The following ASIC1 variants were observed in gnomAD, a reference collection of about 807,000 sequenced individuals.
ASIC1 encodes acid-sensing ion channel 1.
A neutral mutation model predicts 63.4 loss-of-function variants in ASIC1; 21 were observed. The observed-to-expected ratio is 0.33, with a 90% CI of 0.23 to 0.48. The LOEUF is 0.48. Among genes scored for constraint, ASIC1 ranks in the 20% least tolerant of loss-of-function variants. The pLI, the probability that ASIC1 is intolerant of heterozygous loss-of-function variation, is 0.99. For synonymous variants in ASIC1, 258 were observed against 278.2 expected, an observed-to-expected ratio of 0.93 and a Z score of 0.72; for missense variants, 478 against 695.5, an observed-to-expected ratio of 0.69 and a Z score of 3.52.
Position 50,074,032 on chromosome 12 carries a change from A to G in ASIC1, c.559-3181A>G, listed in dbSNP as rs1486063031. The G allele has an allele frequency of 2.8e-5, 43 of 1,534,450 alleles. No individual in the cohort carries two copies. Among genetic ancestry groups the G allele is most frequent in the Non-Finnish European group, 3.8e-5 (43 of 1,145,708 alleles). On this transcript the variant is annotated intron_variant, in intron 3 of 11. Coordinates refer to ENST00000447966, the MANE Select transcript of ASIC1 (RefSeq NM_001095.4). This position sits in a 1 kb window ranked among gnomAD's most constrained non-coding sequence, Gnocchi z 4.2. ...TAATGCTGTGCGGCTGTCCCAGCTC[A>G]GCTACCCTGACTTGCTTTATTTGGC...
intron 8 of ASIC1, chr12:50,080,257 T>C (rs376184): frequency 0.67 from 524,284 of 782,568 alleles, 177,762 homozygotes; most frequent in East Asian, 0.87. Flanking sequence ...TTTCTCCTCC[T>C]TCTTCATCCT....
rs1232259027 is a variant in ASIC1, at chr12:50,066,752, C to G, written c.558+6798C>G. 3.3e-5 allele frequency among the ~76,000 whole-genome samples: 5 copies of G among 152,320 alleles called. No individual in the cohort carries two copies. The South Asian group carries it at 1.0e-3, about 32-fold the overall frequency. ...TCTCCACTCTTCTCAGTCACCCTTCCTAGCTCCTCTCTCACCCTCAGCGGA... is the reference window on the plus strand; with the variant it reads ...TCTCCACTCTTCTCAGTCACCCTTCGTAGCTCCTCTCTCACCCTCAGCGGA... On this transcript the variant is annotated intron_variant, in intron 3 of 11. Coordinates refer to ENST00000447966, the MANE Select transcript of ASIC1 (RefSeq NM_001095.4).
Position 50,077,296 on chromosome 12 carries a change from G to A in ASIC1, c.642G>A (p.Thr214=), listed in dbSNP as rs202004622. Residue 214 remains threonine, a synonymous_variant, in exon 4 of 12, where the codon ACG becomes ACA. Transcript: ENST00000447966. ...RPRLKTMKGG[T]GNGLEIMLDI... ...GGCTGAAGACCATGAAGGGTGGGAC[G>A]GGCAATGGGCTGGAAATCATGCTGG... 2.0e-5 allele frequency: 33 copies of A among 1,614,178 alleles called. No individual in the cohort carries two copies. The highest frequency in any genetic ancestry group is 1.7e-4 in the African/African-American group (13 of 75,050).
rs754999533 is a variant in ASIC1 at position 50,059,143 on chromosome 12, C to T, written c.362+15C>T. Reference sequence around the variant, plus strand: ...CTCAACAACAGGTGGGTGGCTCCCACCCTCCCTCAGCCCTGCTCCTGGAGT... The same window carrying T: ...CTCAACAACAGGTGGGTGGCTCCCATCCTCCCTCAGCCCTGCTCCTGGAGT... On this transcript the variant is annotated intron_variant, in intron 2 of 11. Coordinates refer to ENST00000447966, the MANE Select transcript of ASIC1 (RefSeq NM_001095.4). This position sits in a 1 kb window ranked among gnomAD's most constrained non-coding sequence, Gnocchi z 4.6. 1.1e-5 allele frequency: 17 copies of T among 1,610,276 alleles called. No homozygotes were observed. The highest frequency in any genetic ancestry group is 7.7e-5 in the South Asian group (7 of 90,990).
rs540023446 is a variant in ASIC1, at chr12:50,073,677, G to T, written c.559-3536G>T. 2.0e-5 allele frequency: 30 copies of T among 1,536,426 alleles called. No individual in the cohort carries two copies. In the African/African-American group the frequency reaches 2.2e-4, roughly 11 times the overall value. On this transcript the variant is annotated intron_variant, in intron 3 of 11. Transcript: ENST00000447966. ...ATATTTGGGGTCCCCACCACCATCA[G>T]CAGCAGCAGGACATCTCAGAATCGG...
In ASIC1 at chr12:50,078,127, G is replaced by T; in HGVS notation, c.837G>T (p.Arg279=). 6.2e-7 allele frequency: 1 copy of T among 1,612,320 alleles called. No homozygotes were observed. Among genetic ancestry groups the T allele is most frequent in the Non-Finnish European group, 8.5e-7 (1 of 1,179,110 alleles). The change falls in exon 5 of 12, where the codon CGG becomes CGT. Residue 279 remains arginine (R), a splice_region_variant and synonymous_variant. Transcript: ENST00000447966. The surrounding 1 kb of genome is among the most constrained non-coding windows in gnomAD (Gnocchi z 6.0). ...CCTTTGTGGCCTGCCAGGAGCAGCG[G>T]GTGAGAGGGCCATGGGAGGCTGGTC... ...FQTFVACQEQ[R]LIYLPPPWGT...
chr12:50,072,540 C>T (rs1950610234), intron 3 of ASIC1, among the ~76,000 whole-genome samples: 1 of 152,110 alleles, frequency 6.6e-6, no homozygotes, highest in South Asian at 2.1e-4. Context: ...AGTTGGTTCC[C>T]AATACTCTCT....
chr12:50,065,950 G>A (rs935168775), intron 3 of ASIC1, among the ~76,000 whole-genome samples: 6 of 152,184 alleles, frequency 3.9e-5, no homozygotes, highest in Admixed American at 2.0e-4. Context: ...TCACATATGC[G>A]CCCCGAGCAT....
At chr12:50,080,154 T>G in intron 8 of ASIC1, 99 bp downstream of exon 8, 1 of 1,473,322 alleles carries the variant, frequency 6.8e-7, no homozygotes, top group Non-Finnish European at 9.1e-7. Context: ...CAGGGGGAAC[T>G]TGAGATAACA....
intron 3 of ASIC1, among the ~76,000 whole-genome samples, chr12:50,066,446 C>T (rs2137819068): frequency 6.6e-6 from 1 of 152,016 alleles, no homozygotes; most frequent in East Asian, 1.9e-4. Context: ...GAGAAGAGAC[C>T]CTAGGAATCC....
rs191367072 is a variant in ASIC1, at chr12:50,060,002, G to A, written c.558+48G>A. 5.6e-6 allele frequency: 9 copies of A among 1,598,922 alleles called. No individual in the cohort carries two copies. In the Admixed American group the frequency reaches 1.3e-4, roughly 24 times the overall value. ...TGAGTCAGCCTGGCCCACAGAGGAG[G>A]AGGAGGAGACAAGGAGCAGGCTGGG... On this transcript the variant is annotated intron_variant, in intron 3 of 11. Coordinates refer to ENST00000447966, the MANE Select transcript of ASIC1 (RefSeq NM_001095.4).
In ASIC1 at chr12:50,078,454, A is replaced by C; in HGVS notation, c.871A>C (p.Lys291Gln). The C allele has an allele frequency of 1.2e-6, 2 of 1,613,978 alleles. No homozygotes were observed. Among genetic ancestry groups the C allele is most frequent in the Non-Finnish European group, 1.7e-6 (2 of 1,179,956 alleles). ...IYLPPPWGTCKAVTMDSDLDF... is the reference protein window; with the variant it reads ...IYLPPPWGTCQAVTMDSDLDF... Reference sequence around the variant, plus strand: ...CCTGCCCCCACCCTGGGGCACCTGCAAAGCTGTTACCATGGACTCGGATTT... The same window carrying C: ...CCTGCCCCCACCCTGGGGCACCTGCCAAGCTGTTACCATGGACTCGGATTT... The change falls in exon 6 of 12, where the codon AAA (lysine) becomes CAA (glutamine). Residue 291 changes from lysine to glutamine, a missense_variant. Coordinates refer to ENST00000447966, the MANE Select transcript of ASIC1 (RefSeq NM_001095.4). This position sits in a 1 kb window ranked among gnomAD's most constrained non-coding sequence, Gnocchi z 6.0.
intron 3 of ASIC1, among the ~76,000 whole-genome samples, chr12:50,067,265 TC>T (rs946776655): frequency 6.6e-6 from 1 of 152,084 alleles, no homozygotes; most frequent in Admixed American, 6.5e-5. Flanking sequence ...GCTGCCTTCT[TC>T]CCCCATCATC....
chr12:50,068,919 T>TCTATATC (rs1950571509), intron 3 of ASIC1, among the ~76,000 whole-genome samples: 1 of 152,026 alleles, frequency 6.6e-6, no homozygotes, highest in Admixed American at 6.6e-5. Flanking sequence ...CAGCAGCCCT[T>TCTATATC]CTATATCCTT....
Position 50,059,888 on chromosome 12 carries a change from C to G in ASIC1, c.492C>G (p.Asp164Glu), listed in dbSNP as rs1158942044. ...MREFYDRAGH[D>E]IRDMLLSCHF... ...AGTTCTACGACCGAGCTGGGCACGA[C>G]ATTCGAGACATGCTGCTCTCCTGCC... The change falls in exon 3 of 12, where the codon GAC (aspartate) becomes GAG (glutamate). Residue 164 changes from aspartate to glutamate, a missense_variant. Physicochemically the swap from Asp to Glu is conservative, Grantham distance 45 (BLOSUM62 2). Transcript: ENST00000447966. This position sits in a 1 kb window ranked among gnomAD's most constrained non-coding sequence, Gnocchi z 4.6. 13 of 1,614,232 alleles carry G rather than the reference C, an allele frequency of 8.1e-6. No individual in the cohort carries two copies. Among genetic ancestry groups the G allele is most frequent in the Non-Finnish European group, 1.0e-5 (12 of 1,180,040 alleles).
In ASIC1 at chr12:50,059,615, G is replaced by A; in HGVS notation, c.363-144G>A. ...CCTCCTGTCATTTCAGACCCATGTGGTAGAGCCTCTGCATGCCCAGCTCTC... is the reference window on the plus strand; with the variant it reads ...CCTCCTGTCATTTCAGACCCATGTGATAGAGCCTCTGCATGCCCAGCTCTC... On this transcript the variant is annotated intron_variant, in intron 2 of 11. Transcript: ENST00000447966. The surrounding 1 kb of genome is among the most constrained non-coding windows in gnomAD (Gnocchi z 4.6). 8.4e-6 allele frequency: 7 copies of A among 837,106 alleles called. No individual in the cohort carries two copies. The highest frequency in any genetic ancestry group is 1.3e-5 in the Non-Finnish European group (7 of 545,314). 51.9% of individuals were successfully genotyped at this position (837,106 alleles called of 1,614,324 possible). A position where few individuals can be genotyped will look rare whatever the true frequency, so the allele number is the denominator to read the frequency against.
At position 50,058,979 on chromosome 12, in the gene ASIC1, C is replaced by T. The variant is rs775314063; in HGVS notation, c.213C>T (p.Tyr71=). Residue 71 remains tyrosine (Y), a synonymous_variant, in exon 2 of 12, where the codon TAC becomes TAT. Transcript: ENST00000447966. ...AGCGTGTGCAGTACTACTTCCACTA[C>T]CACCATGTCACCAAGCTCGACGAGG... The part of the protein sequence containing the change: ...CTERVQYYFH[Y]HHVTKLDEVA... 54 of 1,614,102 alleles carry T rather than the reference C, an allele frequency of 3.3e-5. No homozygotes were observed. Among genetic ancestry groups the T allele is most frequent in the Non-Finnish European group, 4.5e-5 (53 of 1,180,050 alleles).
rs1275149633 is a variant in ASIC1, at chr12:50,080,469, C to T, written c.1206-29C>T. On this transcript the variant is annotated intron_variant, in intron 8 of 11. Transcript: ENST00000447966. ...TAAGAGATAGAGATATGACTTGAAC[C>T]TAGGTCTCCTCCCCCAATCCCTGTG... The T allele has an allele frequency of 5.6e-6, 9 of 1,606,600 alleles. No individual in the cohort carries two copies. In the South Asian group the frequency reaches 7.7e-5, roughly 14 times the overall value.
chr12:50,076,195 G>A (rs561491495), intron 3 of ASIC1, among the ~76,000 whole-genome samples: 12 of 152,304 alleles, frequency 7.9e-5, no homozygotes, highest in African/African-American at 2.4e-4. Flanking sequence ...GGCTGGGCAC[G>A]GTGGCTCATG....
Sources: allele counts gnomAD v4.1 joint callset (sites outside exome capture counted in the v4.1 genomes callset), GRCh38; gene constraint gnomAD v4.1.1; non-coding constraint Gnocchi (gnomAD v3.1); transcripts MANE v1.5; gene names NCBI Gene and HGNC (gene_info 2026-07-23, HGNC 2026-07-21).